The following RAP1GDS1 variants were observed in gnomAD, a reference collection of about 807,000 sequenced individuals.
RAP1GDS1 encodes the protein Rap1 GTPase-GDP dissociation stimulator 1.
A neutral mutation model predicts 71.1 loss-of-function variants in RAP1GDS1; 35 were observed. The observed-to-expected ratio is 0.49, with a 90% CI of 0.38 to 0.65. RAP1GDS1 has a LOEUF of 0.65. Ranked by LOEUF, RAP1GDS1 falls within the 30% of genes least tolerant of loss-of-function variation. The pLI, the probability that RAP1GDS1 is intolerant of heterozygous loss-of-function variation, is 0.00. For synonymous variants in RAP1GDS1, 229 were observed against 243.1 expected (o/e 0.94, Z 0.54); for missense variants, 663 against 706.1 (o/e 0.94, Z 0.69).
At chr4:98,416,637 A>C in intron 7 of RAP1GDS1, 108 bp from the exon 8 acceptor site, 1 of 1,075,700 alleles carries the variant, frequency 9.3e-7, no homozygotes, top group East Asian at 2.7e-5. Flanking sequence ...GGCGTGAGCC[A>C]CCGCACCTGG....
chr4:98,440,867 AC>A (rs2110232757), intron 14 of RAP1GDS1, among the ~76,000 whole-genome samples: 1 of 152,172 alleles, frequency 6.6e-6, no homozygotes, highest in East Asian at 1.9e-4. Flanking sequence ...ATAGGCATGC[AC>A]CACCTGTAGA....
chr4:98,406,288 A>T (rs955013433), intron 7 of RAP1GDS1, among the ~76,000 whole-genome samples: 1 of 151,978 alleles, frequency 6.6e-6, no homozygotes, highest in Non-Finnish European at 1.5e-5. Context: ...AAAATAAATA[A>T]CTATACTACT....
chr4:98,354,103 C>G (rs895534804), intron 4 of RAP1GDS1, among the ~76,000 whole-genome samples: 1 of 149,746 alleles, frequency 6.7e-6, no homozygotes, highest in Non-Finnish European at 1.5e-5. Flanking sequence ...TCGCCCAGGC[C>G]GGACTGCGGA....
intron 2 of RAP1GDS1, among the ~76,000 whole-genome samples, chr4:98,306,834 A>G (rs893431491): frequency 2.0e-5 from 3 of 152,156 alleles, no homozygotes; most frequent in African/African-American, 7.2e-5. Flanking sequence ...TATTCGCTCT[A>G]GAAAGCTTTC....
In RAP1GDS1 at chr4:98,443,459, A is replaced by G. The variant is rs1156644256; in HGVS notation, c.*1342A>G. The G allele has an allele frequency of 8.7e-6, 2 of 230,320 alleles. No homozygotes were observed. The highest frequency in any genetic ancestry group is 1.7e-5 in the Non-Finnish European group (2 of 116,300). The allele number at this position is 230,320 out of a possible 1,614,324, so 14.3% of individuals were successfully genotyped here. ...TGCCTTCTCCCCATACCCAAATTTG[A>G]CCACTACTGGCCTAAAAGGCAAGAT... On this transcript the variant is annotated 3_prime_UTR_variant, in exon 15 of 15. Coordinates refer to ENST00000408927, the MANE Select transcript of RAP1GDS1 (RefSeq NM_001100427.2).
intron 2 of RAP1GDS1, among the ~76,000 whole-genome samples, chr4:98,309,598 G>T (rs746837211): frequency 4.0e-5 from 6 of 151,864 alleles, no homozygotes; most frequent in Admixed American, 6.6e-5. Context: ...CCAAGAAATG[G>T]AAATGATCCC....
At position 98,332,251 on chromosome 4, in the gene RAP1GDS1, T is replaced by C. The variant is rs569474009; in HGVS notation, c.113-10888T>C. The stretch of plus-strand genomic sequence containing the variant: ...TATAGAGGAATGTAAACAATAAAAT[T>C]AGTACCTTGAGCAGGGGAACACGTG... On this transcript the variant is annotated intron_variant, in intron 2 of 14. Coordinates refer to ENST00000408927, the MANE Select transcript of RAP1GDS1 (RefSeq NM_001100427.2). Among the ~76,000 whole-genome samples, 4 of 152,302 alleles carry C rather than the reference T, an allele frequency of 2.6e-5. No homozygotes were observed. The East Asian group carries it at 7.7e-4, about 29-fold the overall frequency.
At chr4:98,410,977 A>G (rs1262695560) in intron 7 of RAP1GDS1, among the ~76,000 whole-genome samples, 1 of 152,194 alleles carries the variant, frequency 6.6e-6, no homozygotes, top group Non-Finnish European at 1.5e-5. Flanking sequence ...TAGGTGATAG[A>G]TACATGGTTA....
At chr4:98,328,330 G>C (rs1733447102) in intron 2 of RAP1GDS1, among the ~76,000 whole-genome samples, 1 of 152,190 alleles carries the variant, frequency 6.6e-6, no homozygotes, top group South Asian at 2.1e-4. Context: ...AAGTAGCATT[G>C]AGGTGCGTAA....
At chr4:98,326,867 G>A (rs528348930) in intron 2 of RAP1GDS1, among the ~76,000 whole-genome samples, 13 of 152,274 alleles carry the variant, frequency 8.5e-5, no homozygotes, top group African/African-American at 3.1e-4. Context: ...GTGTTGCTCT[G>A]AATTGTGTGG....
At chr4:98,404,648 T>TA in intron 7 of RAP1GDS1, 46 bp downstream of exon 7, 2 of 1,563,418 alleles carry the variant, frequency 1.3e-6, no homozygotes, top group Non-Finnish European at 1.7e-6. Context: ...ATGTATGCTT[T>TA]AAACTTTTTT....
At chr4:98,430,332 G>A (rs1750224787) in intron 12 of RAP1GDS1, among the ~76,000 whole-genome samples, 1 of 152,176 alleles carries the variant, frequency 6.6e-6, no homozygotes, top group Non-Finnish European at 1.5e-5. Context: ...CTGCTGCTAA[G>A]CAGCCAAGGA....
chr4:98,307,048 GTCT>G (rs1313812519), intron 2 of RAP1GDS1, among the ~76,000 whole-genome samples: 20 of 151,584 alleles, frequency 1.3e-4, no homozygotes, highest in African/African-American at 2.4e-4. Flanking sequence ...TAAAATATAT[GTCT>G]TCTTATTATA....
At chr4:98,407,468 T>TACACACAC (rs568505447) in intron 7 of RAP1GDS1, among the ~76,000 whole-genome samples, 1 of 148,966 alleles carries the variant, frequency 6.7e-6, no homozygotes, top group Non-Finnish European at 1.5e-5. Flanking sequence ...GGGGTGTGTA[T>TACACACAC]ACACACACAC....
chr4:98,275,162 C>G (rs1039670261), intron 1 of RAP1GDS1, among the ~76,000 whole-genome samples: 4 of 151,926 alleles, frequency 2.6e-5, no homozygotes, highest in Non-Finnish European at 5.9e-5. Context: ...CTGGTAGTAT[C>G]GATGTATATT....
chr4:98,406,583 T>G (rs1384147611), intron 7 of RAP1GDS1, among the ~76,000 whole-genome samples: 3 of 152,018 alleles, frequency 2.0e-5, no homozygotes, highest in Non-Finnish European at 2.9e-5. Context: ...GTGAGAAATT[T>G]TAATACCTCT....
At chr4:98,369,501 G>A (rs1002915693) in intron 4 of RAP1GDS1, among the ~76,000 whole-genome samples, 9 of 152,004 alleles carry the variant, frequency 5.9e-5, no homozygotes, top group East Asian at 1.9e-4. Flanking sequence ...AAGATATAGC[G>A]GTATATCCAA....
chr4:98,420,195 G>A, intron 11 of RAP1GDS1, 51 bp downstream of exon 11: 1 of 1,378,958 alleles, frequency 7.3e-7, no homozygotes. Flanking sequence ...TAGTCTTAAT[G>A]TGCCTCTAGT....
At chr4:98,419,918 A>T (rs1260601253) in intron 10 of RAP1GDS1, 101 bp from the exon 11 acceptor site, 1 of 1,184,690 alleles carries the variant, frequency 8.4e-7, no homozygotes. Context: ...TGGAAAAATA[A>T]AACATGGATC....
Sources: allele counts gnomAD v4.1 joint callset (sites outside exome capture counted in the v4.1 genomes callset), GRCh38; gene constraint gnomAD v4.1.1; transcripts MANE v1.5; gene names NCBI Gene and HGNC (gene_info 2026-07-23, HGNC 2026-07-21).